GALNT6: variants seen among roughly 807,000 people sequenced by gnomAD.
The protein encoded by GALNT6 is GalNAc transferase 6.
Under a neutral mutation model 65.9 loss-of-function variants are expected in GALNT6, and 51 were observed. The ratio of observed to expected loss-of-function variants is 0.77; its 90% confidence interval spans 0.62 to 0.98. The LOEUF is 0.98. Ranked by LOEUF, GALNT6 falls within the 50% of genes least tolerant of loss-of-function variation. The probability of loss-of-function intolerance (pLI) is 0.00; values close to 1 mark genes in which losing one functional copy is unlikely to be tolerated. For missense variants in GALNT6, 708 were observed against 803.3 expected (o/e 0.88, Z 1.43); for synonymous variants, 323 against 315.1 (o/e 1.02, Z -0.26).
At chr12:51,358,801 A>C (rs1946829291) in intron 8 of GALNT6, among the ~76,000 whole-genome samples, 1 of 152,108 alleles carries the variant, frequency 6.6e-6, no homozygotes, top group South Asian at 2.1e-4. Context: ...CTCCCCAGAC[A>C]ATTATGTCCC....
intron 4 of GALNT6, among the ~76,000 whole-genome samples, chr12:51,369,772 A>G (rs899946626): frequency 2.0e-5 from 3 of 152,140 alleles, no homozygotes; most frequent in Admixed American, 6.6e-5. Context: ...CCTGGAAGTC[A>G]TGCTAGAATC....
In GALNT6 at chr12:51,374,688, C is replaced by T. The variant is rs1467260749; in HGVS notation, c.664+2507G>A. Among the ~76,000 whole-genome samples the T allele has an allele frequency of 3.3e-5, 5 of 152,250 alleles. 1 individual carries two copies. The highest frequency in any genetic ancestry group is 1.3e-4 in the Admixed American group (2 of 15,298). On this transcript the variant is annotated intron_variant, in intron 4 of 11. Coordinates refer to ENST00000356317, the MANE Select transcript of GALNT6 (RefSeq NM_007210.4). ...AGCCCCAGACACCACATGCCTCCTA[C>T]GAGGAGGGCTAAGCTTGTGGAGACT...
chr12:51,362,510 C>T (rs1025154621), intron 6 of GALNT6, among the ~76,000 whole-genome samples: 7 of 152,162 alleles, frequency 4.6e-5, no homozygotes, highest in African/African-American at 1.7e-4. Flanking sequence ...ACATTCATTC[C>T]TCAAACACTG....
At chr12:51,386,190 C>T (rs111370600) in intron 2 of GALNT6, among the ~76,000 whole-genome samples, 31 of 152,310 alleles carry the variant, frequency 2.0e-4, no homozygotes, top group South Asian at 8.3e-4. Flanking sequence ...ATTTTATCAA[C>T]GGCGAGGCCA....
intron 4 of GALNT6, among the ~76,000 whole-genome samples, chr12:51,367,996 C>T (rs1181692145): frequency 4.0e-5 from 6 of 151,896 alleles, no homozygotes; most frequent in Non-Finnish European, 8.8e-5. Context: ...CTTCTCCCTC[C>T]AGGGGAAGTG....
At chr12:51,376,277 C>T (rs780173002) in intron 4 of GALNT6, among the ~76,000 whole-genome samples, 1 of 152,186 alleles carries the variant, frequency 6.6e-6, no homozygotes, top group African/African-American at 2.4e-5. Flanking sequence ...TTGGACTCTG[C>T]AGTCCATGCC....
chr12:51,356,906 C>T (rs1946765261), intron 10 of GALNT6, among the ~76,000 whole-genome samples: 1 of 152,164 alleles, frequency 6.6e-6, no homozygotes, highest in Admixed American at 6.5e-5. Context: ...CACTCCTTTC[C>T]CCACTCTGGC....
At position 51,353,245 on chromosome 12, in the gene GALNT6, A is replaced by T. The variant is rs189619918; in HGVS notation, c.*1134T>A. On this transcript the variant is annotated 3_prime_UTR_variant, in exon 12 of 12. Coordinates refer to ENST00000356317, the MANE Select transcript of GALNT6 (RefSeq NM_007210.4). ...CCTGTCTTTCTCACAGGATTACTGT[A>T]CAGATAAAGTAAGATAAAGGACACC... The T allele has an allele frequency of 1.2e-4, 18 of 152,374 alleles. No individual in the cohort carries two copies. The highest frequency in any genetic ancestry group is 1.1e-3 in the Admixed American group (17 of 15,300). 9.4% of individuals were successfully genotyped at this position (152,374 alleles called of 1,614,324 possible). A position where few individuals can be genotyped will look rare whatever the true frequency, so the allele number is the denominator to read the frequency against.
chr12:51,354,543 G>A (rs892020025), intron 11 of GALNT6, 51 bp from the exon 12 acceptor site: 19 of 1,067,700 alleles, frequency 1.8e-5, no homozygotes, highest in Non-Finnish European at 2.5e-5. Flanking sequence ...CCTCTTAACG[G>A]TGCTACCAGG....
chr12:51,385,040 G>A (rs547117913), intron 2 of GALNT6, among the ~76,000 whole-genome samples: 2 of 151,968 alleles, frequency 1.3e-5, no homozygotes, highest in Non-Finnish European at 2.9e-5. Flanking sequence ...TTAAGCTGGA[G>A]TGCAGTGGTG....
chr12:51,351,714 G>A lies in GALNT6; in HGVS notation c.*2665C>T, dbSNP rs912263374. 6.6e-6 allele frequency: 1 copy of A among 152,156 alleles called. No individual in the cohort carries two copies. Among genetic ancestry groups the A allele is most frequent in the Non-Finnish European group, 1.5e-5 (1 of 68,046 alleles). 9.4% of individuals were successfully genotyped at this position (152,156 alleles called of 1,614,324 possible). ...CGTTTGACGTCTCACGTCTCCACGT[G>A]CTTGACACAATACATAAGCTAGATT... On this transcript the variant is annotated 3_prime_UTR_variant, in exon 12 of 12. Transcript: ENST00000356317.
intron 2 of GALNT6, among the ~76,000 whole-genome samples, chr12:51,390,307 C>T (rs956317692): frequency 5.3e-5 from 8 of 151,964 alleles, no homozygotes; most frequent in African/African-American, 1.7e-4. Context: ...GAATTACAGG[C>T]GCCTGCCACC....
chr12:51,374,554 G>A (rs1455224771), intron 4 of GALNT6, among the ~76,000 whole-genome samples: 4 of 152,146 alleles, frequency 2.6e-5, no homozygotes, highest in African/African-American at 9.7e-5. Flanking sequence ...GGGAGGACAA[G>A]GACAGGAAGC....
intron 5 of GALNT6, 148 bp from the exon 6 acceptor site, chr12:51,364,503 C>G (rs1276481154): frequency 1.6e-6 from 1 of 626,094 alleles, no homozygotes; most frequent in Non-Finnish European, 2.8e-6. Flanking sequence ...AGGGAGCACA[C>G]AGAATTTCCT....
At chr12:51,358,033 C>T in intron 9 of GALNT6, 97 bp downstream of exon 9, 1 of 1,238,450 alleles carries the variant, frequency 8.1e-7, no homozygotes, top group Non-Finnish European at 1.2e-6. Context: ...GGGCAAAACT[C>T]AATTCTTGTT....
chr12:51,364,269 T>C lies in GALNT6; in HGVS notation c.901A>G (p.Ile301Val), dbSNP rs139003973. The C allele has an allele frequency of 2.2e-5, 35 of 1,614,022 alleles. No homozygotes were observed. The highest frequency in any genetic ancestry group is 2.6e-5 in the Non-Finnish European group (31 of 1,180,014). The change falls in exon 6 of 12, where the codon ATC becomes GTC. Residue 301 changes from isoleucine (I) to valine (V), a missense_variant. Transcript: ENST00000356317. ...TVVVSPDIVT[I>V]DLNTFEFAKP... The stretch of plus-strand genomic sequence containing the variant: ...GCGAACTCAAAAGTATTAAGGTCGA[T>C]GGTGACGATGTCTGGGCTCACCACC...
At chr12:51,386,089 T>C (rs995210111) in intron 2 of GALNT6, among the ~76,000 whole-genome samples, 1 of 152,242 alleles carries the variant, frequency 6.6e-6, no homozygotes, top group Admixed American at 6.5e-5. Context: ...TGAATGAACT[T>C]ACTGCAAGAA....
At chr12:51,382,287 G>A (rs916832478) in intron 2 of GALNT6, 1 of 152,196 alleles carries the variant, frequency 6.6e-6, no homozygotes, top group African/African-American at 2.4e-5. Context: ...GTCAATTGGG[G>A]GCATCAGATT....
chr12:51,356,249 C>G (rs1409184937), intron 10 of GALNT6, among the ~76,000 whole-genome samples: 1 of 150,944 alleles, frequency 6.6e-6, no homozygotes, highest in East Asian at 1.9e-4. Flanking sequence ...CTATGTTGCC[C>G]AAGCTGGTCT....
Sources: allele counts gnomAD v4.1 joint callset (sites outside exome capture counted in the v4.1 genomes callset), GRCh38; gene constraint gnomAD v4.1.1; transcripts MANE v1.5; gene names NCBI Gene and HGNC (gene_info 2026-07-23, HGNC 2026-07-21).